RSPO4: variants seen among roughly 807,000 people sequenced by gnomAD.
The protein encoded by RSPO4 is R-spondin-4.
In RSPO4, 23 loss-of-function variants were observed where a neutral mutation model predicts 24.8. The observed-to-expected ratio is 0.93, with a 90% confidence interval of 0.67 to 1.31. The LOEUF is 1.31. RSPO4 is among the 40% of genes most tolerant of loss of function. The probability of loss-of-function intolerance (pLI) is 0.00; values close to 1 mark genes in which losing one functional copy is unlikely to be tolerated. For missense variants in RSPO4, 333 were observed against 316.5 expected (o/e 1.05, Z -0.39); for synonymous variants, 141 against 127.4 (o/e 1.11, Z -0.72).
chr20:1,002,243 G>C lies in RSPO4; in HGVS notation c.-79C>G. The stretch of plus-strand genomic sequence containing the variant: ...CCCCACGTCCCGGCGGCGGCACGGC[G>C]GGCGCGGGGGCTGCTGTGGGCGCGC... On this transcript the variant is annotated 5_prime_UTR_variant, in exon 1 of 5. Coordinates refer to ENST00000217260, the MANE Select transcript of RSPO4 (RefSeq NM_001029871.4). This position sits in a 1 kb window ranked among gnomAD's most constrained non-coding sequence, Gnocchi z 4.6. 9.9e-7 allele frequency: 1 copy of C among 1,006,630 alleles called. No homozygotes were observed. Among genetic ancestry groups the C allele is most frequent in the Non-Finnish European group, 1.3e-6 (1 of 775,638 alleles). The allele number at this position is 1,006,630 out of a possible 1,614,324, so 62.4% of individuals were successfully genotyped here.
At chr20:988,323 T>G in intron 1 of RSPO4, among the ~76,000 whole-genome samples, 1 of 152,118 alleles carries the variant, frequency 6.6e-6, no homozygotes, top group East Asian at 1.9e-4. Flanking sequence ...TCTCTGGTGC[T>G]GAGGGGAATG....
Position 960,200 on chromosome 20 carries a change from G to C in RSPO4, c.*157C>G, listed in dbSNP as rs577512032. 17 of 611,294 alleles carry C rather than the reference G, an allele frequency of 2.8e-5. No individual in the cohort carries two copies. The highest frequency in any genetic ancestry group is 4.1e-5 in the Non-Finnish European group (14 of 343,650). The allele number at this position is 611,294 out of a possible 1,614,324, so 37.9% of individuals were successfully genotyped here. A position where few individuals can be genotyped will look rare whatever the true frequency, so the allele number is the denominator to read the frequency against. ...AAGGAAATAAAAAAGAAAAAGAAAGGGAAGGTAGACTGACAGAAAAATGAT... is the reference window on the plus strand; with the variant it reads ...AAGGAAATAAAAAAGAAAAAGAAAGCGAAGGTAGACTGACAGAAAAATGAT... On this transcript the variant is annotated 3_prime_UTR_variant, in exon 5 of 5. Transcript: ENST00000217260.
At chr20:992,650 T>C (rs1324121801) in intron 1 of RSPO4, among the ~76,000 whole-genome samples, 1 of 152,126 alleles carries the variant, frequency 6.6e-6, no homozygotes, top group Non-Finnish European at 1.5e-5. Flanking sequence ...ATTGTCCCCA[T>C]TGTATTGACA....
At position 960,317 on chromosome 20, in the gene RSPO4, G is replaced by A. The variant is rs1466013505; in HGVS notation, c.*40C>T. The A allele has an allele frequency of 6.7e-6, 9 of 1,353,160 alleles. No homozygotes were observed. Among genetic ancestry groups the A allele is most frequent in the Non-Finnish European group, 9.2e-6 (9 of 980,152 alleles). 83.8% of individuals were successfully genotyped at this position (1,353,160 alleles called of 1,614,324 possible). A position where few individuals can be genotyped will look rare whatever the true frequency, so the allele number is the denominator to read the frequency against. ...AGAAGGAGCAGGAGGAGGTGTGCAG[G>A]GGCCGAGGACTAGGACCAGAGAGTC... On this transcript the variant is annotated 3_prime_UTR_variant, in exon 5 of 5. Transcript: ENST00000217260.
chr20:968,107 G>T lies in RSPO4; in HGVS notation c.111C>A (p.Gly37=), dbSNP rs771139553. ...VGTGLGGNCT[G]CIICSEENGC... ...CGTTCTCCTCTGAGCAGATGATACA[G>T]CCTGTGCAGTTGCCCCCCAGGCCAG... The change falls in exon 2 of 5, where the codon GGC becomes GGA. Residue 37 remains glycine (G), a synonymous_variant. Transcript: ENST00000217260. 6.2e-7 allele frequency: 1 copy of T among 1,614,154 alleles called. No homozygotes were observed. The highest frequency in any genetic ancestry group is 1.1e-5 in the South Asian group (1 of 91,088).
At chr20:995,537 C>T (rs1027073775) in intron 1 of RSPO4, among the ~76,000 whole-genome samples, 1 of 149,684 alleles carries the variant, frequency 6.7e-6, no homozygotes, top group African/African-American at 2.4e-5. Context: ...CACATCATTC[C>T]ACCTTCCAGG....
intron 3 of RSPO4, among the ~76,000 whole-genome samples, chr20:966,451 C>CTT (rs368238797): frequency 1.2e-4 from 18 of 147,984 alleles, no homozygotes; most frequent in Admixed American, 7.4e-4. Context: ...GTTCTATTGT[C>CTT]TTTTTTTTTT....
chr20:989,749 G>A (rs540608142), intron 1 of RSPO4, among the ~76,000 whole-genome samples: 1 of 152,324 alleles, frequency 6.6e-6, no homozygotes, highest in South Asian at 2.1e-4. Context: ...TCCGCGAAGT[G>A]GAAACCATAA....
chr20:980,702 G>A (rs1195868155), intron 1 of RSPO4, among the ~76,000 whole-genome samples: 1 of 152,100 alleles, frequency 6.6e-6, no homozygotes, highest in African/African-American at 2.4e-5. Flanking sequence ...TGGTAAAACC[G>A]GGGTTCAAAC....
At chr20:974,906 G>T (rs1984515727) in intron 1 of RSPO4, among the ~76,000 whole-genome samples, 1 of 152,142 alleles carries the variant, frequency 6.6e-6, no homozygotes, top group African/African-American at 2.4e-5. Context: ...CTTGCAACCA[G>T]ATGATTCCCG....
At position 970,346 on chromosome 20, in the gene RSPO4, C is replaced by G. The variant is rs1316633784; in HGVS notation, c.80-2208G>C. ...CTTCCCCAGTCCTCACCTTCTGTTC[C>G]TTAGATTCGGTGAGGCCCCACATCC... On this transcript the variant is annotated intron_variant, in intron 1 of 4. Transcript: ENST00000217260. This position sits in a 1 kb window ranked among gnomAD's most constrained non-coding sequence, Gnocchi z 4.1. Among the ~76,000 whole-genome samples, 1 of 152,092 alleles carries G rather than the reference C, an allele frequency of 6.6e-6. No individual in the cohort carries two copies. The highest frequency in any genetic ancestry group is 1.9e-4 in the East Asian group (1 of 5,198).
intron 1 of RSPO4, among the ~76,000 whole-genome samples, chr20:1,000,643 A>G (rs1212194207): frequency 6.6e-6 from 1 of 152,176 alleles, no homozygotes; most frequent in East Asian, 1.9e-4. Context: ...AGGCAAAGTG[A>G]CTTATCCAAA....
intron 3 of RSPO4, among the ~76,000 whole-genome samples, chr20:964,587 T>G (rs77133653): frequency 0.021 from 3,140 of 151,896 alleles, 50 homozygotes; most frequent in Middle Eastern, 0.068. Context: ...GTTTTAAACT[T>G]GATCATGTGT....
At chr20:971,347 G>A (rs1311716940) in intron 1 of RSPO4, among the ~76,000 whole-genome samples, 1 of 152,252 alleles carries the variant, frequency 6.6e-6, no homozygotes, top group South Asian at 2.1e-4. Context: ...CTGGTCCAGG[G>A]ACCATGCTCT....
Position 960,103 on chromosome 20 carries a change from TAAG to T in RSPO4, c.*251_*253del. On this transcript the variant is annotated 3_prime_UTR_variant, in exon 5 of 5. Coordinates refer to ENST00000217260, the MANE Select transcript of RSPO4 (RefSeq NM_001029871.4). ...AAGAAAGAAAAGGAAAGATAAAAGA[TAAG>T]TGAGAAAGAAGAGGAAGGAAGGGAA... 1.8e-6 allele frequency: 1 copy of T among 550,494 alleles called. No homozygotes were observed. The highest frequency in any genetic ancestry group is 3.2e-6 in the Non-Finnish European group (1 of 312,192). 34.1% of individuals were successfully genotyped at this position (550,494 alleles called of 1,614,324 possible).
chr20:986,053 C>T (rs1984910586), intron 1 of RSPO4, among the ~76,000 whole-genome samples: 1 of 152,214 alleles, frequency 6.6e-6, no homozygotes, highest in East Asian at 1.9e-4. Context: ...GAAGGAGGCT[C>T]TTGAGCTTAA....
intron 1 of RSPO4, among the ~76,000 whole-genome samples, chr20:977,493 C>A (rs774249060): frequency 2.6e-5 from 4 of 152,180 alleles, no homozygotes; most frequent in Non-Finnish European, 5.9e-5. Context: ...GACAGTCAAG[C>A]GGGTCTCCAT....
chr20:972,483 T>C lies in RSPO4; in HGVS notation c.80-4345A>G, dbSNP rs534954621. Among the ~76,000 whole-genome samples, 10 of 152,356 alleles carry C rather than the reference T, an allele frequency of 6.6e-5. No homozygotes were observed. In the South Asian group the frequency reaches 1.9e-3, roughly 28 times the overall value. On this transcript the variant is annotated intron_variant, in intron 1 of 4. Transcript: ENST00000217260. ...CAATGGGATATGAGCGGGCATGCCCTGTACAGCCCCTTAGGAAACGCTGGC... is the reference window on the plus strand; with the variant it reads ...CAATGGGATATGAGCGGGCATGCCCCGTACAGCCCCTTAGGAAACGCTGGC...
Position 1,002,205 on chromosome 20 carries a change from G to GACGGCCCAAGGGCCCC in RSPO4, c.-57_-42dup. The GACGGCCCAAGGGCCCC allele has an allele frequency of 5.5e-6, 8 of 1,465,834 alleles. No homozygotes were observed. Among genetic ancestry groups the GACGGCCCAAGGGCCCC allele is most frequent in the Non-Finnish European group, 7.3e-6 (8 of 1,098,862 alleles). 90.8% of individuals were successfully genotyped at this position (1,465,834 alleles called of 1,614,324 possible). A position where few individuals can be genotyped will look rare whatever the true frequency, so the allele number is the denominator to read the frequency against. ...CGGGCTGGCGCTCCCCAGGCGGCCC[G>GACGGCCCAAGGGCCCC]ACGGCCCAAGGGCCCCACGTCCCGG... On this transcript the variant is annotated 5_prime_UTR_variant, in exon 1 of 5. Coordinates refer to ENST00000217260, the MANE Select transcript of RSPO4 (RefSeq NM_001029871.4). The surrounding 1 kb of genome is among the most constrained non-coding windows in gnomAD (Gnocchi z 4.6).
Sources: allele counts gnomAD v4.1 joint callset (sites outside exome capture counted in the v4.1 genomes callset), GRCh38; gene constraint gnomAD v4.1.1; non-coding constraint Gnocchi (gnomAD v3.1); transcripts MANE v1.5; gene names NCBI Gene and HGNC (gene_info 2026-07-23, HGNC 2026-07-21).